HIVEP1: variants seen among roughly 807,000 people sequenced by gnomAD.
HIVEP1 encodes zinc finger protein 40.
Under a neutral mutation model 180.0 loss-of-function variants are expected in HIVEP1, and 36 were observed. The ratio of observed to expected loss-of-function variants is 0.20; its 90% confidence interval spans 0.15 to 0.26. The LOEUF is 0.26. Among genes scored for constraint, HIVEP1 ranks in the 10% least tolerant of loss-of-function variants. The pLI, the probability that HIVEP1 is intolerant of heterozygous loss-of-function variation, is 1.00. For missense variants in HIVEP1, 3,143 were observed against 3,268.7 expected (o/e 0.96, Z 0.94); for synonymous variants, 1,239 against 1,239.0 (o/e 1.00, Z 0.00).
chr6:12,095,389 G>A (rs1477578220), intron 3 of HIVEP1, among the ~76,000 whole-genome samples: 2 of 151,658 alleles, frequency 1.3e-5, no homozygotes, highest in African/African-American at 4.8e-5. Context: ...TAATTTCCTT[G>A]TAAGTATTGC....
chr6:12,115,350 C>CTTTTTTTTTTTTTTTTTTTTTTTTTT (rs34074662), intron 3 of HIVEP1, among the ~76,000 whole-genome samples: 1 of 75,296 alleles, frequency 1.3e-5, no homozygotes, highest in Non-Finnish European at 2.3e-5. Context: ...CCCAACTATT[C>CTTTTTTTTTTTTTTTTTTTTTTTTTT]TTTTTTTTTT....
At chr6:12,181,945 T>C in the HIVEP1 span, among the ~76,000 whole-genome samples, 1 of 152,190 alleles carries the variant, frequency 6.6e-6, no homozygotes, top group Non-Finnish European at 1.5e-5. Flanking sequence ...CAAAATAGCT[T>C]GAGAGTGATC....
At chr6:12,182,546 A>C in the HIVEP1 span, among the ~76,000 whole-genome samples, 1 of 152,222 alleles carries the variant, frequency 6.6e-6, no homozygotes, top group South Asian at 2.1e-4. Context: ...GAAGGTTTTC[A>C]GTTTAGTTCA....
rs778944917 is a variant in HIVEP1, at chr6:12,164,425, C to T, written c.8121C>T (p.Ser2707=). The T allele has an allele frequency of 8.7e-6, 14 of 1,612,550 alleles. No homozygotes were observed. Among genetic ancestry groups the T allele is most frequent in the African/African-American group, 8.0e-5 (6 of 74,856 alleles). The change falls in exon 9 of 9, where the codon AGC becomes AGT. Residue 2707 remains serine, a synonymous_variant. Coordinates refer to ENST00000379388, the MANE Select transcript of HIVEP1 (RefSeq NM_002114.4). Reference sequence around the variant, plus strand: ...CTGTGCACTTCAGCGACGTGAGCAGCGATGATGACGAGGACAGGCTTGTGA... The same window carrying T: ...CTGTGCACTTCAGCGACGTGAGCAGTGATGATGACGAGGACAGGCTTGTGA... The part of the protein sequence containing the change: ...QPTVHFSDVS[S]DDDEDRLVIA...
At chr6:12,065,041 A>G (rs1771480036) in intron 2 of HIVEP1, among the ~76,000 whole-genome samples, 1 of 152,206 alleles carries the variant, frequency 6.6e-6, no homozygotes, top group South Asian at 2.1e-4. Context: ...CATAATAGAT[A>G]ATTTAAGGCC....
chr6:12,188,859 A>G, the HIVEP1 span, among the ~76,000 whole-genome samples: 4 of 152,056 alleles, frequency 2.6e-5, no homozygotes, highest in Non-Finnish European at 5.9e-5. Context: ...TTCTAAGTTC[A>G]GTGGAAAAAT....
chr6:12,062,321 C>T (rs1214414717), intron 2 of HIVEP1, among the ~76,000 whole-genome samples: 1 of 152,006 alleles, frequency 6.6e-6, no homozygotes, highest in African/African-American at 2.4e-5. Context: ...GCTTCCTAAA[C>T]CTTCCATTTC....
chr6:12,075,486 G>A (rs994046791), intron 2 of HIVEP1, among the ~76,000 whole-genome samples: 4 of 151,894 alleles, frequency 2.6e-5, no homozygotes, highest in Non-Finnish European at 4.4e-5. Flanking sequence ...CACCTCACTC[G>A]TCTTGCACTG....
downstream of HIVEP1, among the ~76,000 whole-genome samples, chr6:12,165,855 C>A (rs1194743641): frequency 2.0e-5 from 3 of 152,162 alleles, no homozygotes; most frequent in Non-Finnish European, 4.4e-5. Flanking sequence ...CTAGCCAACC[C>A]AGCTTCACGT....
chr6:12,162,718 A>G (rs559283760), intron 8 of HIVEP1, among the ~76,000 whole-genome samples: 194 of 152,342 alleles, frequency 1.3e-3, no homozygotes, highest in Middle Eastern at 3.4e-3. Flanking sequence ...CCTCTCAGAC[A>G]CTTACCAGTG....
At chr6:12,011,270 TCCCCCCCC>T (rs76242358), upstream of HIVEP1, among the ~76,000 whole-genome samples, 121 of 71,634 alleles carry the variant, frequency 1.7e-3, 1 homozygote, top group African/African-American at 6.7e-3. Flanking sequence ...CCCCTTGGGG[TCCCCCCCC>T]CCCCCCGCCT....
At chr6:12,114,506 C>T (rs1340207352) in intron 3 of HIVEP1, among the ~76,000 whole-genome samples, 1 of 152,102 alleles carries the variant, frequency 6.6e-6, no homozygotes, top group African/African-American at 2.4e-5. Flanking sequence ...GACCTCCCCT[C>T]TCCACAGCAT....
At position 12,122,959 on chromosome 6, in the gene HIVEP1, C is replaced by G; in HGVS notation, c.3164C>G (p.Ser1055Cys). 6.2e-7 allele frequency: 1 copy of G among 1,613,938 alleles called. No homozygotes were observed. The highest frequency in any genetic ancestry group is 1.1e-5 in the South Asian group (1 of 91,058). ...QNESGTSPKS[S>C]EGLQFQNALG... The stretch of plus-strand genomic sequence containing the variant: ...GAAAGTGGAACATCTCCAAAAAGTT[C>G]TGAAGGCCTTCAGTTTCAGAATGCT... Residue 1055 changes from serine (S) to cysteine (C), a missense_variant, in exon 4 of 9, where the codon TCT (serine) becomes TGT (cysteine). Ser to Cys is a moderately radical substitution (Grantham distance 112). Transcript: ENST00000379388.
chr6:12,109,133 C>G (rs1040000969), intron 3 of HIVEP1, among the ~76,000 whole-genome samples: 2 of 150,140 alleles, frequency 1.3e-5, no homozygotes, highest in Non-Finnish European at 3.0e-5. Flanking sequence ...GCGCCTGCCA[C>G]CACGCCCGGC....
chr6:12,087,096 T>TA (rs1773168042), intron 2 of HIVEP1, among the ~76,000 whole-genome samples: 1 of 152,170 alleles, frequency 6.6e-6, no homozygotes, highest in Non-Finnish European at 1.5e-5. Context: ...AGGAGGTACT[T>TA]ATTATATTTA....
At chr6:12,161,235 G>C (rs774089840) in intron 7 of HIVEP1, among the ~76,000 whole-genome samples, 3 of 151,964 alleles carry the variant, frequency 2.0e-5, no homozygotes, top group Non-Finnish European at 4.4e-5. Flanking sequence ...GGCCCCTCCC[G>C]CAGAGCTGCC....
At position 12,123,171 on chromosome 6, in the gene HIVEP1, C is replaced by G; in HGVS notation, c.3376C>G (p.Leu1126Val). 6.2e-7 allele frequency: 1 copy of G among 1,614,234 alleles called. No individual in the cohort carries two copies. The highest frequency in any genetic ancestry group is 8.5e-7 in the Non-Finnish European group (1 of 1,180,038). The change falls in exon 4 of 9, where the codon CTG (leucine) becomes GTG (valine). Residue 1126 changes from leucine to valine, a missense_variant. Around this residue, in one of 12 missense-constraint regions of HIVEP1, gnomAD observed 1,357 missense variants for 1,260.5 expected, o/e 1.08. Coordinates refer to ENST00000379388, the MANE Select transcript of HIVEP1 (RefSeq NM_002114.4). ...TTCAGCAGCCCAGGACAAGATAGAA[C>G]TGCAGAGACACGGAACTGGAATCTC... ...ISSAAQDKIELQRHGTGISVI... is the reference protein window; with the variant it reads ...ISSAAQDKIEVQRHGTGISVI...
At chr6:12,013,108 G>C (rs1205187450) in intron 1 of HIVEP1, among the ~76,000 whole-genome samples, 1 of 152,112 alleles carries the variant, frequency 6.6e-6, no homozygotes, top group East Asian at 1.9e-4. Context: ...AGCAGGCGGC[G>C]AGGAGGAGTC....
At chr6:12,019,684 A>G (rs981286078) in intron 2 of HIVEP1, among the ~76,000 whole-genome samples, 35 of 152,294 alleles carry the variant, frequency 2.3e-4, no homozygotes, top group Non-Finnish European at 4.3e-4. Flanking sequence ...TAAAAGGCAG[A>G]TACCTGATAC....
Sources: allele counts gnomAD v4.1 joint callset (sites outside exome capture counted in the v4.1 genomes callset), GRCh38; gene constraint gnomAD v4.1.1; regional missense constraint gnomAD v4.1.1; transcripts MANE v1.5; gene names NCBI Gene and HGNC (gene_info 2026-07-23, HGNC 2026-07-21).